The following EPHA7 variants were observed in gnomAD, a reference collection of about 807,000 sequenced individuals.
EPHA7 encodes the protein ephrin type-A receptor 7.
In EPHA7, 25 loss-of-function variants were observed where a neutral mutation model predicts 112.6. The ratio of observed to expected loss-of-function variants is 0.22; its 90% CI spans 0.16 to 0.31. EPHA7 has a LOEUF of 0.31. Ranked by LOEUF, EPHA7 falls within the 10% of genes least tolerant of loss-of-function variation. The pLI, the probability that EPHA7 is intolerant of heterozygous loss-of-function variation, is 1.00. For missense variants in EPHA7, 962 were observed against 1,212.6 expected, an observed-to-expected ratio of 0.79 and a Z score of 3.07; for synonymous variants, 437 against 406.5, an observed-to-expected ratio of 1.07 and a Z score of -0.90.
rs1270476760 is a variant in EPHA7 at position 93,259,369 on chromosome 6, G to A, written c.1909C>T (p.Arg637Cys). The A allele has an allele frequency of 8.1e-6, 13 of 1,611,614 alleles. No individual in the cohort carries two copies. Among genetic ancestry groups the A allele is most frequent in the African/African-American group, 1.3e-5 (1 of 74,888 alleles). Residue 637 changes from arginine to cysteine, a missense_variant, in exon 10 of 17, where the codon CGT becomes TGT. Coordinates refer to ENST00000369303, the MANE Select transcript of EPHA7 (RefSeq NM_004440.4). The stretch of plus-strand genomic sequence containing the variant: ...ATAGCCTTACCTGCACCAATCACAC[G>A]CTCAATTTTAATACAGGAGGCATCT... ...ELDASCIKIERVIGAGEFGEV... is the reference protein window; with the variant it reads ...ELDASCIKIECVIGAGEFGEV...
intron 3 of EPHA7, among the ~76,000 whole-genome samples, chr6:93,387,974 G>GATAGATAGATAC (rs1562146955): frequency 1.3e-5 from 2 of 149,592 alleles, no homozygotes; most frequent in African/African-American, 5.0e-5. Context: ...TAGATAGATA[G>GATAGATAGATAC]ATAGAATAGA....
Position 93,258,222 on chromosome 6 carries a change from C to T in EPHA7, c.1987G>A (p.Ala663Thr), listed in dbSNP as rs953493697. ...KLPGKRDVAVAIKTLKVGYTE... is the reference protein window; with the variant it reads ...KLPGKRDVAVTIKTLKVGYTE... Reference sequence around the variant, plus strand: ...TAACCAACTTTCAGGGTTTTTATGGCTACTGCAACATCTCTTTTCCCTGGA... The same window carrying T: ...TAACCAACTTTCAGGGTTTTTATGGTTACTGCAACATCTCTTTTCCCTGGA... The change falls in exon 11 of 17, where the codon GCC (alanine) becomes ACC (threonine). Residue 663 changes from alanine (A) to threonine (T), a missense_variant. Around this residue, in one of 3 missense-constraint regions of EPHA7, gnomAD observed 746 missense variants for 889.2 expected, o/e 0.84. Transcript: ENST00000369303. 1 of 1,613,030 alleles carries T rather than the reference C, an allele frequency of 6.2e-7. No individual in the cohort carries two copies. Among genetic ancestry groups the T allele is most frequent in the Non-Finnish European group, 8.5e-7 (1 of 1,179,502 alleles).
intron 9 of EPHA7, among the ~76,000 whole-genome samples, chr6:93,260,956 TTCTC>T (rs767316286): frequency 7.9e-5 from 12 of 151,676 alleles, no homozygotes; most frequent in African/African-American, 1.2e-4. Flanking sequence ...TCCCTTTTTA[TTCTC>T]TCTTTCTTTC....
chr6:93,405,771 A>T (rs1202124036), intron 3 of EPHA7, among the ~76,000 whole-genome samples: 2 of 124,376 alleles, frequency 1.6e-5, no homozygotes, highest in African/African-American at 5.7e-5. Flanking sequence ...TGTTTCTTAT[A>T]TTTCTGTATA....
At chr6:93,354,718 C>A (rs1301826382) in intron 5 of EPHA7, among the ~76,000 whole-genome samples, 1 of 150,226 alleles carries the variant, frequency 6.7e-6, no homozygotes, top group African/African-American at 2.4e-5. Context: ...TACATAACAA[C>A]TGCGAAATAT....
chr6:93,258,474 A>T (rs1050422010), intron 10 of EPHA7, among the ~76,000 whole-genome samples, 190 bp from the exon 11 acceptor site: 2 of 151,920 alleles, frequency 1.3e-5, no homozygotes, highest in African/African-American at 4.8e-5. Flanking sequence ...AGGGGAGTCT[A>T]TTTCCTAGAC....
intron 3 of EPHA7, among the ~76,000 whole-genome samples, chr6:93,406,127 A>T (rs1380930013): frequency 6.6e-6 from 1 of 151,392 alleles, no homozygotes; most frequent in South Asian, 2.1e-4. Context: ...CATAAAAATT[A>T]TAAGTGTATG....
Position 93,333,111 on chromosome 6 carries a change from C to T in EPHA7, c.1324+23606G>A, listed in dbSNP as rs1410938405. Among the ~76,000 whole-genome samples, 4 of 151,760 alleles carry T rather than the reference C, an allele frequency of 2.6e-5. No homozygotes were observed. In the East Asian group the frequency reaches 7.7e-4, roughly 29 times the overall value. ...CTCTCTGTACTCAGTGTTCAGCTTCCACTTGTAAGTGAGAACATGTACCAT... is the reference window on the plus strand; with the variant it reads ...CTCTCTGTACTCAGTGTTCAGCTTCTACTTGTAAGTGAGAACATGTACCAT... On this transcript the variant is annotated intron_variant, in intron 5 of 16. Coordinates refer to ENST00000369303, the MANE Select transcript of EPHA7 (RefSeq NM_004440.4).
intron 5 of EPHA7, among the ~76,000 whole-genome samples, chr6:93,326,062 T>C (rs1266727126): frequency 2.0e-5 from 3 of 151,382 alleles, no homozygotes; most frequent in Non-Finnish European, 4.4e-5. Flanking sequence ...TCACCAAACA[T>C]TAGTTACATA....
chr6:93,259,270 T>A (rs1582403174), intron 10 of EPHA7, 84 bp downstream of exon 10: 3 of 1,540,110 alleles, frequency 1.9e-6, no homozygotes, highest in African/African-American at 2.7e-5. Flanking sequence ...ACTTGAGGGA[T>A]AATTATTTGC....
At chr6:93,400,415 C>G (rs1194846876) in intron 3 of EPHA7, among the ~76,000 whole-genome samples, 5 of 152,026 alleles carry the variant, frequency 3.3e-5, no homozygotes, top group Admixed American at 3.3e-4. Context: ...TTTTATCAAG[C>G]AACTCCACAT....
At chr6:93,350,855 C>G (rs1276668421) in intron 5 of EPHA7, among the ~76,000 whole-genome samples, 1 of 151,936 alleles carries the variant, frequency 6.6e-6, no homozygotes, top group Non-Finnish European at 1.5e-5. Context: ...TTCAAAAACA[C>G]TCCGGTTTCC....
At chr6:93,393,485 A>G (rs924594383) in intron 3 of EPHA7, among the ~76,000 whole-genome samples, 7 of 151,844 alleles carry the variant, frequency 4.6e-5, no homozygotes, top group African/African-American at 1.7e-4. Context: ...CAGTGAGATG[A>G]TATCACTGGT....
At chr6:93,369,942 G>GA (rs1776703803) in intron 3 of EPHA7, among the ~76,000 whole-genome samples, 1 of 152,158 alleles carries the variant, frequency 6.6e-6, no homozygotes. Flanking sequence ...TAGTAGAGGG[G>GA]AGTGCAGCCT....
chr6:93,387,803 G>A (rs968894021), intron 3 of EPHA7, among the ~76,000 whole-genome samples: 4 of 152,010 alleles, frequency 2.6e-5, no homozygotes, highest in Non-Finnish European at 4.4e-5. Context: ...AGAACAGCAT[G>A]GGGTAATCAC....
At chr6:93,263,835 T>A in intron 9 of EPHA7, 25 bp downstream of exon 9, 1 of 1,602,256 alleles carries the variant, frequency 6.2e-7, no homozygotes, top group Non-Finnish European at 8.5e-7. Flanking sequence ...GGGTACATCA[T>A]AATAAAGAAA....
Position 93,388,660 on chromosome 6 carries a change from G to A in EPHA7, c.832+21841C>T, listed in dbSNP as rs76866115. Among the ~76,000 whole-genome samples, 140 of 152,156 alleles carry A rather than the reference G, an allele frequency of 9.2e-4. 3 individuals are homozygous for A. In the East Asian group the frequency reaches 0.024, roughly 26 times the overall value. On this transcript the variant is annotated intron_variant, in intron 3 of 16. Transcript: ENST00000369303. ...GGGCTTGTTCAGAAGGAAATGGGGAGAATAGTGAAGGGTGATAAGCTTAGA... is the reference window on the plus strand; with the variant it reads ...GGGCTTGTTCAGAAGGAAATGGGGAAAATAGTGAAGGGTGATAAGCTTAGA...
At chr6:93,309,417 T>C (rs1026642237) in intron 5 of EPHA7, among the ~76,000 whole-genome samples, 1 of 152,180 alleles carries the variant, frequency 6.6e-6, no homozygotes, top group Non-Finnish European at 1.5e-5. Flanking sequence ...ATTGTAGTCA[T>C]CCAAGTTCTA....
intron 5 of EPHA7, among the ~76,000 whole-genome samples, chr6:93,290,612 TCC>T (rs1187677008): frequency 6.6e-6 from 1 of 152,162 alleles, no homozygotes; most frequent in Non-Finnish European, 1.5e-5. Flanking sequence ...CCTCTCTCTC[TCC>T]TTTAATTTTA....
Sources: gnomAD v4.1 joint callset for allele counts (sites outside exome capture counted in the v4.1 genomes callset) on GRCh38, gnomAD v4.1.1 for gene constraint, gnomAD v4.1.1 regional missense constraint, MANE v1.5 for transcripts, NCBI Gene and HGNC (gene_info 2026-07-23, HGNC 2026-07-21) for gene names.